The following EWSR1 variants were observed in gnomAD, a reference collection of about 807,000 sequenced individuals.
EWSR1 encodes the protein EWS RNA binding protein 1.
Under a neutral mutation model 92.1 loss-of-function variants are expected in EWSR1, and 14 were observed. The ratio of observed to expected loss-of-function variants is 0.15; its 90% CI spans 0.10 to 0.24. EWSR1 has a LOEUF of 0.24. Ranked by LOEUF, EWSR1 falls within the 10% of genes least tolerant of loss-of-function variation. The probability of loss-of-function intolerance (pLI) is 1.00; values close to 1 mark genes in which losing one functional copy is unlikely to be tolerated. For synonymous variants in EWSR1, 303 were observed against 292.9 expected (o/e 1.03, Z -0.35); for missense variants, 637 against 870.9 (o/e 0.73, Z 3.38).
At position 29,297,847 on chromosome 22, in the gene EWSR1, A is replaced by AAACTT. The variant is rs1183619794; in HGVS notation, c.1318_1322dup (p.Lys441AsnfsTer13). 1 of 1,613,948 alleles carries AAACTT rather than the reference A, an allele frequency of 6.2e-7. No homozygotes were observed. Among genetic ancestry groups the AAACTT allele is most frequent in the African/African-American group, 1.3e-5 (1 of 74,902 alleles). ...TCCAGGGAAAGATTTTCAAGGGAGCAAACTTAAAGTCTCCCTTGCTCGGAA... is the reference window on the plus strand; with the variant it reads ...TCCAGGGAAAGATTTTCAAGGGAGCAAACTTAACTTAAAGTCTCCCTTGCTCGGAA... On this transcript the variant is annotated frameshift_variant, in exon 13 of 17. Transcript: ENST00000397938. LOFTEE classifies it high-confidence loss of function.
chr22:29,288,479 G>A (rs527688437), intron 7 of EWSR1, 127 bp from the exon 8 acceptor site: 32 of 808,906 alleles, frequency 4.0e-5, no homozygotes, highest in Non-Finnish European at 9.4e-6. Flanking sequence ...ATGCTTTATC[G>A]TGATGTAAAG....
At chr22:29,300,077 C>T (rs752608816) in intron 16 of EWSR1, 45 bp from the exon 17 acceptor site, 4 of 1,568,088 alleles carry the variant, frequency 2.6e-6, no homozygotes, top group Admixed American at 3.6e-5. Flanking sequence ...GAAGGGCTTC[C>T]TCACCCCTTC....
At chr22:29,281,664 T>G (rs2059614629) in intron 5 of EWSR1, among the ~76,000 whole-genome samples, 1 of 152,142 alleles carries the variant, frequency 6.6e-6, no homozygotes, top group Non-Finnish European at 1.5e-5. Context: ...CACTGCCAGC[T>G]CCGCCTCCTG....
intron 1 of EWSR1, among the ~76,000 whole-genome samples, chr22:29,268,644 C>T (rs1161987479): frequency 6.6e-6 from 1 of 152,178 alleles, no homozygotes; most frequent in African/African-American, 2.4e-5. Flanking sequence ...AGCTCCGGGC[C>T]TCCCGCCACG....
chr22:29,272,539 A>T, intron 3 of EWSR1, 108 bp downstream of exon 3: 1 of 1,146,530 alleles, frequency 8.7e-7, no homozygotes, highest in Non-Finnish European at 1.3e-6. Context: ...TGTTTGGAAT[A>T]GTAAAATACC....
intron 7 of EWSR1, among the ~76,000 whole-genome samples, chr22:29,287,500 G>A (rs977016922): frequency 1.3e-5 from 2 of 152,142 alleles, no homozygotes; most frequent in Non-Finnish European, 2.9e-5. Flanking sequence ...GAGCCACTGC[G>A]CCCAGCCACG....
chr22:29,274,374 A>C, intron 4 of EWSR1: 1 of 1,454,472 alleles, frequency 6.9e-7, no homozygotes, highest in South Asian at 1.1e-5. Context: ...CATTTGTTGA[A>C]CCCCCAAACT....
rs776256103 is a variant in EWSR1 at position 29,272,405 on chromosome 22, A to T, written c.76A>T (p.Thr26Ser). 7 of 1,613,174 alleles carry T rather than the reference A, an allele frequency of 4.3e-6. No homozygotes were observed. Among genetic ancestry groups the T allele is most frequent in the Middle Eastern group, 1.9e-4 (1 of 5,236 alleles). The change falls in exon 3 of 17, where the codon ACT becomes TCT. Residue 26 changes from threonine (T) to serine (S), a missense_variant. This residue lies in a region of EWSR1 where 144 missense variants were observed against 189.0 expected (regional missense o/e 0.76). Coordinates refer to ENST00000397938, the MANE Select transcript of EWSR1 (RefSeq NM_005243.4). ...CTACAGTGCTTACACCGCCCAGCCCACTCAAGGATATGCACAGACCACCCA... is the reference window on the plus strand; with the variant it reads ...CTACAGTGCTTACACCGCCCAGCCCTCTCAAGGATATGCACAGACCACCCA... ...QGYSAYTAQPTQGYAQTTQAY... is the reference protein window; with the variant it reads ...QGYSAYTAQPSQGYAQTTQAY...
At chr22:29,274,130 A>T in intron 4 of EWSR1, 1 of 1,013,132 alleles carries the variant, frequency 9.9e-7, no homozygotes. Context: ...GAGACTATGT[A>T]AAAGATTTTG....
At chr22:29,299,917 G>A (rs1463068703) in intron 16 of EWSR1, 66 bp downstream of exon 16, 3 of 1,534,604 alleles carry the variant, frequency 2.0e-6, no homozygotes, top group South Asian at 1.2e-5. Context: ...TTCCCAGCTT[G>A]GTTGGCGCAA....
intron 4 of EWSR1, chr22:29,276,718 G>A (rs745359211): frequency 3.5e-5 from 8 of 230,862 alleles, no homozygotes; most frequent in Non-Finnish European, 6.9e-5. Flanking sequence ...TGCCTAGGCT[G>A]GATCTTACTG....
intron 5 of EWSR1, 81 bp downstream of exon 5, chr22:29,278,297 G>C: frequency 7.2e-7 from 1 of 1,382,630 alleles, no homozygotes; most frequent in East Asian, 2.5e-5. Context: ...ATAATCTGTG[G>C]TTTAGTTCCT....
At chr22:29,273,700 T>G in intron 3 of EWSR1, 41 bp from the exon 4 acceptor site, 1 of 1,592,392 alleles carries the variant, frequency 6.3e-7, no homozygotes, top group Non-Finnish European at 8.5e-7. Context: ...AATACAAAAG[T>G]TCATGTATGA....
chr22:29,270,655 CG>C (rs2058599945), intron 1 of EWSR1, among the ~76,000 whole-genome samples: 1 of 152,136 alleles, frequency 6.6e-6, no homozygotes, highest in African/African-American at 2.4e-5. Flanking sequence ...ACTGCTCTTG[CG>C]TAAAAGTCGT....
chr22:29,291,706 A>G (rs2060455731), intron 9 of EWSR1, 107 bp downstream of exon 9: 1 of 1,102,928 alleles, frequency 9.1e-7, no homozygotes, highest in Non-Finnish European at 1.3e-6. Context: ...AAAATGATCT[A>G]TACAAAAGAG....
intron 5 of EWSR1, among the ~76,000 whole-genome samples, chr22:29,281,732 C>A (rs1204537005): frequency 6.6e-6 from 1 of 152,148 alleles, no homozygotes; most frequent in Non-Finnish European, 1.5e-5. Context: ...AGGCGCCCAC[C>A]ACCATGCCTG....
intron 6 of EWSR1, among the ~76,000 whole-genome samples, chr22:29,284,422 A>C (rs946336213): frequency 6.6e-6 from 1 of 151,380 alleles, no homozygotes; most frequent in African/African-American, 2.5e-5. Flanking sequence ...TTTAGGAACA[A>C]GTAGAATTGA....
chr22:29,273,276 A>AT (rs112254547), intron 3 of EWSR1, among the ~76,000 whole-genome samples: 11 of 152,072 alleles, frequency 7.2e-5, no homozygotes, highest in African/African-American at 2.2e-4. Context: ...CTGGTTTTCA[A>AT]TTTTTTCTGA....
At chr22:29,272,674 C>T (rs2058772876) in intron 3 of EWSR1, among the ~76,000 whole-genome samples, 2 of 152,076 alleles carry the variant, frequency 1.3e-5, no homozygotes, top group South Asian at 2.1e-4. Flanking sequence ...AGTTAGGTGC[C>T]CTGTTCCATG....
Sources: allele counts gnomAD v4.1 joint callset (sites outside exome capture counted in the v4.1 genomes callset), GRCh38; gene constraint gnomAD v4.1.1; regional missense constraint gnomAD v4.1.1; transcripts MANE v1.5; gene names NCBI Gene and HGNC (gene_info 2026-07-23, HGNC 2026-07-21).